DMXL1: variants seen among roughly 807,000 people sequenced by gnomAD.
DMXL1 encodes dmX-like protein 1.
DMXL1 carries 99 observed loss-of-function variants against 319.2 expected under a neutral mutation model. The ratio of observed to expected loss-of-function variants is 0.31; its 90% confidence interval spans 0.26 to 0.37. The LOEUF is 0.37. Ranked by LOEUF, DMXL1 falls within the 10% of genes least tolerant of loss-of-function variation. The pLI is 1.00. For synonymous variants in DMXL1, 1,385 were observed against 1,235.2 expected (o/e 1.12, Z -2.54); for missense variants, 3,745 against 3,595.6 (o/e 1.04, Z -1.06).
chr5:119,125,720 A>G (rs891759758), intron 9 of DMXL1, among the ~76,000 whole-genome samples: 4 of 150,682 alleles, frequency 2.7e-5, no homozygotes, highest in Non-Finnish European at 5.9e-5. Flanking sequence ...GCCCGCCACC[A>G]CTCCTGGCTA....
Position 119,221,954 on chromosome 5 carries a change from T to C in DMXL1, c.8277+873T>C, listed in dbSNP as rs943856767. On this transcript the variant is annotated intron_variant, in intron 37 of 43. Coordinates refer to ENST00000539542, the MANE Select transcript of DMXL1 (RefSeq NM_001290321.3). The stretch of plus-strand genomic sequence containing the variant: ...TCCAAGCCTTTATTATTACGTAGGT[T>C]ATAGGAACTAATGAACGGATTTGAA... 5.3e-5 allele frequency among the ~76,000 whole-genome samples: 8 copies of C among 152,178 alleles called. No homozygotes were observed. In the South Asian group the frequency reaches 6.2e-4, roughly 12 times the overall value.
At position 119,247,315 on chromosome 5, in the gene DMXL1, T is replaced by C; in HGVS notation, c.*96T>C. 2 of 840,168 alleles carry C rather than the reference T, an allele frequency of 2.4e-6. No homozygotes were observed. Among genetic ancestry groups the C allele is most frequent in the Non-Finnish European group, 3.6e-6 (2 of 551,896 alleles). The allele number at this position is 840,168 out of a possible 1,614,324, so 52.0% of individuals were successfully genotyped here. A position where few individuals can be genotyped will look rare whatever the true frequency, so the allele number is the denominator to read the frequency against. ...ATTCTCTATGCCACAAATTAGCTAATGCTTTCTTGTTTTTATATTTATTTT... is the reference window on the plus strand; with the variant it reads ...ATTCTCTATGCCACAAATTAGCTAACGCTTTCTTGTTTTTATATTTATTTT... On this transcript the variant is annotated 3_prime_UTR_variant, in exon 44 of 44. Transcript: ENST00000539542.
At chr5:119,171,335 G>T in intron 24 of DMXL1, 55 bp downstream of exon 24, 7 of 1,503,750 alleles carry the variant, frequency 4.7e-6, no homozygotes, top group South Asian at 2.8e-5. Context: ...TGTTTTTGGT[G>T]TTTCTTTTTT....
chr5:119,132,577 G>T, intron 10 of DMXL1: 1 of 271,172 alleles, frequency 3.7e-6, no homozygotes. Context: ...CTACTTGGGA[G>T]GCTGAGGCGG....
intron 38 of DMXL1, among the ~76,000 whole-genome samples, chr5:119,225,997 T>C (rs542587242): frequency 6.6e-6 from 1 of 152,302 alleles, no homozygotes; most frequent in Admixed American, 6.5e-5. Flanking sequence ...GTTGGAAGTT[T>C]TCTGAGATAC....
intron 17 of DMXL1, among the ~76,000 whole-genome samples, chr5:119,147,771 A>T (rs1768907345): frequency 6.6e-6 from 1 of 152,160 alleles, no homozygotes; most frequent in African/African-American, 2.4e-5. Flanking sequence ...TTATTTGCAG[A>T]CTTTGATGGT....
intron 28 of DMXL1, 151 bp downstream of exon 28, chr5:119,178,395 A>T: frequency 2.1e-6 from 2 of 942,494 alleles, no homozygotes; most frequent in Non-Finnish European, 1.5e-6. Flanking sequence ...GTGAAAATGC[A>T]GTATTAAAGT....
chr5:119,090,247 C>T (rs1039216164), intron 1 of DMXL1, among the ~76,000 whole-genome samples: 2 of 151,226 alleles, frequency 1.3e-5, no homozygotes, highest in African/African-American at 2.4e-5. Flanking sequence ...TCTGGAACTC[C>T]GGACCTCAGG....
At chr5:119,076,890 G>T (rs758787274) in intron 1 of DMXL1, among the ~76,000 whole-genome samples, 34 of 152,102 alleles carry the variant, frequency 2.2e-4, no homozygotes, top group Non-Finnish European at 4.6e-4. Context: ...CCTGTGCATC[G>T]TGTTTATTCT....
chr5:119,175,208 A>T, intron 25 of DMXL1, 53 bp from the exon 26 acceptor site: 1 of 1,429,978 alleles, frequency 7.0e-7, no homozygotes, highest in Non-Finnish European at 9.6e-7. Flanking sequence ...CTTGAAAAAA[A>T]ATCTGCACTT....
intron 30 of DMXL1, among the ~76,000 whole-genome samples, chr5:119,196,092 G>A (rs1222414560): frequency 6.6e-6 from 1 of 151,900 alleles, no homozygotes; most frequent in East Asian, 1.9e-4. Flanking sequence ...AACACTTAGA[G>A]ATCCTTCTTC....
At chr5:119,225,237 T>C (rs1247680164) in intron 38 of DMXL1, among the ~76,000 whole-genome samples, 1 of 152,040 alleles carries the variant, frequency 6.6e-6, no homozygotes, top group African/African-American at 2.4e-5. Context: ...TTTCAGTTGG[T>C]CTTTTATGAG....
At chr5:119,193,046 A>T (rs1037818668) in intron 29 of DMXL1, among the ~76,000 whole-genome samples, 1 of 152,116 alleles carries the variant, frequency 6.6e-6, no homozygotes, top group Non-Finnish European at 1.5e-5. Flanking sequence ...ACCTATGTCC[A>T]ACCTGCCAAC....
intron 42 of DMXL1, among the ~76,000 whole-genome samples, 185 bp downstream of exon 42, chr5:119,240,656 T>A (rs1700405382): frequency 6.6e-6 from 1 of 152,192 alleles, no homozygotes; most frequent in Non-Finnish European, 1.5e-5. Flanking sequence ...CACTATACCT[T>A]GATGGGGGAC....
chr5:119,183,503 C>T (rs531711508), intron 28 of DMXL1, among the ~76,000 whole-genome samples: 5 of 152,290 alleles, frequency 3.3e-5, no homozygotes, highest in Admixed American at 1.3e-4. Flanking sequence ...GGCAGAGACT[C>T]GTACCGTCGC....
intron 29 of DMXL1, among the ~76,000 whole-genome samples, chr5:119,190,983 T>C (rs1330002549): frequency 6.6e-6 from 1 of 152,244 alleles, no homozygotes; most frequent in East Asian, 1.9e-4. Flanking sequence ...CAAACTACTC[T>C]TGATAAAATG....
chr5:119,084,107 CATGT>C (rs1305323053), intron 1 of DMXL1, among the ~76,000 whole-genome samples: 1 of 151,766 alleles, frequency 6.6e-6, no homozygotes, highest in East Asian at 1.9e-4. Context: ...AATGTCTGTT[CATGT>C]ATTCCCCCCC....
At chr5:119,124,068 G>A (rs1321921933) in intron 9 of DMXL1, among the ~76,000 whole-genome samples, 1 of 151,626 alleles carries the variant, frequency 6.6e-6, no homozygotes, top group African/African-American at 2.4e-5. Flanking sequence ...CAACACTTTG[G>A]GAGGCTGAGG....
chr5:119,149,165 A>G lies in DMXL1; in HGVS notation c.3338A>G (p.Asp1113Gly), dbSNP rs765547150. Reference sequence around the variant, plus strand: ...GTATTGGATTCTGGCATTAGTGTTGATAGCAATTTAGTGGCCTATAATAAA... The same window carrying G: ...GTATTGGATTCTGGCATTAGTGTTGGTAGCAATTTAGTGGCCTATAATAAA... ...STVLDSGISV[D>G]SNLVAYNKQD... is the part of the protein sequence containing the mutation. The change falls in exon 18 of 44, where the codon GAT becomes GGT. Residue 1113 changes from aspartate (D) to glycine (G), a missense_variant. Transcript: ENST00000539542. The G allele has an allele frequency of 3.1e-6, 5 of 1,613,742 alleles. No homozygotes were observed. Among genetic ancestry groups the G allele is most frequent in the South Asian group, 2.2e-5 (2 of 91,048 alleles).
Sources: allele counts gnomAD v4.1 joint callset (sites outside exome capture counted in the v4.1 genomes callset), GRCh38; gene constraint gnomAD v4.1.1; transcripts MANE v1.5; gene names NCBI Gene and HGNC (gene_info 2026-07-23, HGNC 2026-07-21).